Variants in PRELID2 observed in about 807,000 individuals in gnomAD.
PRELID2 encodes the protein PRELI domain containing 2.
A neutral mutation model predicts 28.4 loss-of-function variants in PRELID2; 25 were observed. The observed-to-expected ratio is 0.88, with a 90% CI of 0.64 to 1.23. The LOEUF (loss-of-function observed/expected upper bound fraction) is 1.23. PRELID2 is among the 50% of genes most tolerant of loss of function. The pLI is 0.00. For missense variants in PRELID2, 201 were observed against 214.4 expected, an observed-to-expected ratio of 0.94 and a Z score of 0.39; for synonymous variants, 76 against 71.6, an observed-to-expected ratio of 1.06 and a Z score of -0.31.
chr5:145,718,973 A>T (rs1033315294), intron 1 of PRELID2, among the ~76,000 whole-genome samples: 1 of 152,100 alleles, frequency 6.6e-6, no homozygotes. Flanking sequence ...TGGGAAAAAG[A>T]AGGTGACTGA....
At chr5:145,329,372 G>A in the PRELID2 span, among the ~76,000 whole-genome samples, 1 of 152,156 alleles carries the variant, frequency 6.6e-6, no homozygotes. Flanking sequence ...ACTTTGGGCA[G>A]TATGGCCATT....
At chr5:145,258,400 T>C in the PRELID2 span, among the ~76,000 whole-genome samples, 25 of 152,156 alleles carry the variant, frequency 1.6e-4, no homozygotes, top group African/African-American at 6.0e-4. Flanking sequence ...ACTAAAATGC[T>C]GATAGTGATA....
chr5:145,405,494 G>C, the PRELID2 span, among the ~76,000 whole-genome samples: 1 of 152,092 alleles, frequency 6.6e-6, no homozygotes, highest in African/African-American at 2.4e-5. Context: ...AGATCATGCA[G>C]TATTTTTCTT....
chr5:145,530,502 T>C (rs1752646456), intron 1 of PRELID2, among the ~76,000 whole-genome samples: 1 of 151,670 alleles, frequency 6.6e-6, no homozygotes, highest in African/African-American at 2.4e-5. Flanking sequence ...AGGAAATTGG[T>C]CAAGTAGAGA....
the PRELID2 span, among the ~76,000 whole-genome samples, chr5:145,366,549 T>C: frequency 1.3e-5 from 2 of 151,926 alleles, no homozygotes; most frequent in Admixed American, 6.6e-5. Context: ...GGTAGTAAGA[T>C]TGCCCTTTTA....
At chr5:145,834,290 C>A (rs1345918986) in intron 1 of PRELID2, among the ~76,000 whole-genome samples, 1 of 152,086 alleles carries the variant, frequency 6.6e-6, no homozygotes, top group Non-Finnish European at 1.5e-5. Flanking sequence ...TTTAGTGGTC[C>A]CCTCCTCACC....
At chr5:145,474,018 A>G (rs1441312879) in intron 1 of PRELID2, among the ~76,000 whole-genome samples, 2 of 152,196 alleles carry the variant, frequency 1.3e-5, no homozygotes, top group Non-Finnish European at 2.9e-5. Context: ...AACAGTGAAG[A>G]AAAGTGTTTT....
chr5:145,740,940 A>ATATATATTTAT (rs1756693450), intron 1 of PRELID2, among the ~76,000 whole-genome samples: 1 of 42,360 alleles, frequency 2.4e-5, no homozygotes, highest in African/African-American at 5.5e-5. Context: ...ATATATATGT[A>ATATATATTTAT]CATATATTTA....
intron 1 of PRELID2, among the ~76,000 whole-genome samples, chr5:145,566,859 G>A (rs1254952039): frequency 1.4e-5 from 2 of 145,838 alleles, no homozygotes; most frequent in Non-Finnish European, 3.0e-5. Context: ...AAAAAAAAAA[G>A]AGAGAGCAAG....
chr5:145,263,854 CAAA>C, the PRELID2 span, among the ~76,000 whole-genome samples: 1 of 123,150 alleles, frequency 8.1e-6, no homozygotes. Context: ...AAAAAGTTAC[CAAA>C]AAAAAAAAAA....
intron 1 of PRELID2, among the ~76,000 whole-genome samples, chr5:145,678,184 T>C (rs1200556456): frequency 6.6e-6 from 1 of 152,208 alleles, no homozygotes; most frequent in African/African-American, 2.4e-5. Context: ...CCAGCTAATA[T>C]TGTTCAAATA....
the PRELID2 span, among the ~76,000 whole-genome samples, chr5:145,427,666 A>G: frequency 2.0e-5 from 3 of 151,850 alleles, no homozygotes; most frequent in Non-Finnish European, 4.4e-5. Context: ...TTGCCCTCAT[A>G]GAGTTTATAA....
chr5:145,630,523 T>C (rs1753917648), intron 1 of PRELID2, among the ~76,000 whole-genome samples: 4 of 152,122 alleles, frequency 2.6e-5, no homozygotes, highest in Admixed American at 2.6e-4. Flanking sequence ...GTAAACTGTA[T>C]CAGCAACATC....
intron 5 of PRELID2, among the ~76,000 whole-genome samples, chr5:145,769,562 G>C (rs555746817): frequency 5.8e-4 from 88 of 152,346 alleles, no homozygotes; most frequent in Non-Finnish European, 9.8e-4. Context: ...GCTTGGAAGA[G>C]AGTAATATTA....
chr5:145,523,082 T>C (rs1561499246), intron 1 of PRELID2, among the ~76,000 whole-genome samples: 1 of 152,140 alleles, frequency 6.6e-6, no homozygotes, highest in Admixed American at 6.6e-5. Context: ...TGGATCCTTG[T>C]AGTTGGGGTA....
chr5:145,797,924 C>T lies in PRELID2; in HGVS notation c.369-1377G>A, dbSNP rs138840932. 1.6e-3 allele frequency among the ~76,000 whole-genome samples: 243 copies of T among 151,942 alleles called. 1 individual carries two copies. The highest frequency in any genetic ancestry group is 5.1e-3 in the Admixed American group (77 of 15,224). On this transcript the variant is annotated intron_variant, in intron 4 of 6. Transcript: ENST00000683046. The stretch of plus-strand genomic sequence containing the variant: ...TTACCTCACAAAGAACTTGAAATAA[C>T]CATCTTAAAATGCTCCATGAACTAA...
At chr5:145,285,015 CACA>C in the PRELID2 span, among the ~76,000 whole-genome samples, 9 of 152,120 alleles carry the variant, frequency 5.9e-5, no homozygotes, top group Non-Finnish European at 1.2e-4. Flanking sequence ...ATTTCATCTT[CACA>C]ACAACTCTGA....
At chr5:145,578,246 A>G (rs1753078267) in intron 1 of PRELID2, among the ~76,000 whole-genome samples, 2 of 152,130 alleles carry the variant, frequency 1.3e-5, no homozygotes, top group Admixed American at 1.3e-4. Flanking sequence ...ACCTGTGAGG[A>G]AACAGGCAAA....
chr5:145,641,442 C>G (rs995443135), intron 1 of PRELID2, among the ~76,000 whole-genome samples: 1 of 152,184 alleles, frequency 6.6e-6, no homozygotes, highest in Admixed American at 6.5e-5. Flanking sequence ...TGCCATTTCG[C>G]AAACACTAAT....
Sources: allele counts gnomAD v4.1 joint callset (sites outside exome capture counted in the v4.1 genomes callset), GRCh38; gene constraint gnomAD v4.1.1; transcripts MANE v1.5; gene names NCBI Gene and HGNC (gene_info 2026-07-23, HGNC 2026-07-21).